The following LOXL2 variants were observed in gnomAD, a reference collection of about 807,000 sequenced individuals.
LOXL2 encodes lysyl oxidase homolog 2.
LOXL2 carries 70 observed loss-of-function variants against 93.0 expected under a neutral mutation model. That is an observed-to-expected ratio of 0.75 (90% confidence interval 0.62 to 0.92). LOXL2 has a LOEUF of 0.92. Among genes scored for constraint, LOXL2 ranks in the 40% least tolerant of loss-of-function variants. The pLI, the probability that LOXL2 is intolerant of heterozygous loss-of-function variation, is 0.00. For missense variants in LOXL2, 973 were observed against 1,054.9 expected (o/e 0.92, Z 1.08); for synonymous variants, 438 against 413.2 (o/e 1.06, Z -0.73).
At chr8:23,322,416 A>C in intron 6 of LOXL2, 135 bp from the exon 7 acceptor site, 7 of 688,304 alleles carry the variant, frequency 1.0e-5, no homozygotes, top group South Asian at 1.9e-5. Flanking sequence ...TAATCAGCTC[A>C]ATGACCCAAG....
chr8:23,361,868 C>CA lies in LOXL2; in HGVS notation c.356-1604dup, dbSNP rs112154106. ...ACAAAACAAAACAAAACAAAACAAACAAAAAAAACAGAAAATGACAGTGCT... is the reference window on the plus strand; with the variant it reads ...ACAAAACAAAACAAAACAAAACAAACAAAAAAAAACAGAAAATGACAGTGCT... On this transcript the variant is annotated intron_variant, in intron 2 of 13. Transcript: ENST00000389131. Among the ~76,000 whole-genome samples, 170 of 149,750 alleles carry CA rather than the reference C, an allele frequency of 1.1e-3. 1 individual carries two copies. The highest frequency in any genetic ancestry group is 3.5e-3 in the Middle Eastern group (1 of 286).
chr8:23,370,013 C>T (rs1461740901), intron 1 of LOXL2, among the ~76,000 whole-genome samples: 1 of 152,148 alleles, frequency 6.6e-6, no homozygotes, highest in Admixed American at 6.5e-5. Context: ...CAGAGTTGCA[C>T]AGTTACTGCA....
chr8:23,365,087 T>A (rs1563202925), intron 2 of LOXL2: 1 of 152,192 alleles, frequency 6.6e-6, no homozygotes, highest in Non-Finnish European at 1.5e-5. Context: ...AGCTCAGAGA[T>A]GCTTTGGGAG....
At chr8:23,385,713 A>G (rs1804749380) in intron 1 of LOXL2, 1 of 560,400 alleles carries the variant, frequency 1.8e-6, no homozygotes, top group African/African-American at 1.9e-5. Flanking sequence ...CAGAAACGTA[A>G]TGAGAGCCAC....
Position 23,319,927 on chromosome 8 carries a change from G to GACCACCATGGCC in LOXL2, c.1416_1427dup (p.Ala473_Val476dup). 4 of 1,613,996 alleles carry GACCACCATGGCC rather than the reference G, an allele frequency of 2.5e-6. No homozygotes were observed. In the South Asian group the frequency reaches 4.4e-5, roughly 18 times the overall value. ...CGAATCCCAGGCCCAGCTGGCGGCA[G>GACCACCATGGCC]ACCACCATGGCCTCCACGATGCCCC... On this transcript the variant is annotated inframe_insertion, in exon 8 of 14. Transcript: ENST00000389131.
intron 3 of LOXL2, 83 bp from the exon 4 acceptor site, chr8:23,341,286 G>A (rs1803879211): frequency 6.0e-6 from 7 of 1,162,590 alleles, no homozygotes; most frequent in Admixed American, 5.4e-5. Context: ...CTTCTTTAGC[G>A]ACTATGGGCC....
chr8:23,402,116 A>G (rs575144343), intron 1 of LOXL2, among the ~76,000 whole-genome samples: 6 of 152,206 alleles, frequency 3.9e-5, no homozygotes, highest in African/African-American at 1.4e-4. Flanking sequence ...ACAAATACAC[A>G]TATACACATA....
chr8:23,355,136 G>T (rs1398018642), intron 3 of LOXL2, among the ~76,000 whole-genome samples: 1 of 151,140 alleles, frequency 6.6e-6, no homozygotes, highest in Non-Finnish European at 1.5e-5. Context: ...GTAGAGACGG[G>T]GTTTCACCAT....
intron 1 of LOXL2, among the ~76,000 whole-genome samples, chr8:23,378,576 C>A (rs1804627051): frequency 6.6e-6 from 1 of 152,200 alleles, no homozygotes; most frequent in Admixed American, 6.5e-5. Context: ...TTCAGGTACA[C>A]CAATCAGATG....
intron 1 of LOXL2, among the ~76,000 whole-genome samples, chr8:23,400,434 C>T (rs1800140835): frequency 6.6e-6 from 1 of 152,190 alleles, no homozygotes; most frequent in Non-Finnish European, 1.5e-5. Context: ...GGGGAAAGAT[C>T]TACCCCCATG....
At chr8:23,350,914 C>T (rs973306210) in intron 3 of LOXL2, among the ~76,000 whole-genome samples, 6 of 152,154 alleles carry the variant, frequency 3.9e-5, no homozygotes, top group Non-Finnish European at 8.8e-5. Flanking sequence ...ACACCTGCTC[C>T]AACAACCAGC....
intron 3 of LOXL2, among the ~76,000 whole-genome samples, chr8:23,352,437 A>G (rs1804109975): frequency 6.6e-6 from 1 of 152,110 alleles, no homozygotes; most frequent in Admixed American, 6.5e-5. Flanking sequence ...CAAACCACCC[A>G]GTGCAACCTC....
intron 5 of LOXL2, among the ~76,000 whole-genome samples, chr8:23,331,148 C>T (rs1803668998): frequency 6.6e-6 from 1 of 152,172 alleles, no homozygotes; most frequent in Non-Finnish European, 1.5e-5. Flanking sequence ...GTGTAATAAC[C>T]TCCTTTCCAC....
intron 4 of LOXL2, chr8:23,336,852 C>G (rs1803801114): frequency 1.3e-5 from 2 of 152,184 alleles, no homozygotes; most frequent in Non-Finnish European, 2.9e-5. Context: ...GCACGCTCAT[C>G]CTGGTGAAAG....
intron 6 of LOXL2, 144 bp from the exon 7 acceptor site, chr8:23,322,425 A>G: frequency 1.5e-6 from 1 of 646,586 alleles, no homozygotes. Context: ...CAATGACCCA[A>G]GCCTCTTCTC....
At chr8:23,340,161 T>C (rs1486030094) in intron 4 of LOXL2, among the ~76,000 whole-genome samples, 2 of 152,182 alleles carry the variant, frequency 1.3e-5, no homozygotes, top group African/African-American at 4.8e-5. Flanking sequence ...CCTGGTTCTA[T>C]CACCTTTCTC....
chr8:23,403,870 G>A (rs1055060084), intron 1 of LOXL2, 84 bp downstream of exon 1: 3 of 153,510 alleles, frequency 2.0e-5, no homozygotes, highest in African/African-American at 7.2e-5. Context: ...CCCCGCGCAG[G>A]ACGAAGCCTG....
chr8:23,379,232 C>A (rs1804636914), intron 1 of LOXL2, among the ~76,000 whole-genome samples: 1 of 150,022 alleles, frequency 6.7e-6, no homozygotes, highest in Non-Finnish European at 1.5e-5. Context: ...GTATCAGCAG[C>A]AGAGGCTGCA....
At chr8:23,383,646 G>GTTTTT (rs1204879895) in intron 1 of LOXL2, among the ~76,000 whole-genome samples, 4 of 117,656 alleles carry the variant, frequency 3.4e-5, no homozygotes, top group African/African-American at 7.0e-5. Context: ...GCACTTTTAC[G>GTTTTT]TTTTTTTTTT....
Sources: gnomAD v4.1 joint callset for allele counts (sites outside exome capture counted in the v4.1 genomes callset) on GRCh38, gnomAD v4.1.1 for gene constraint, MANE v1.5 for transcripts, NCBI Gene and HGNC (gene_info 2026-07-23, HGNC 2026-07-21) for gene names.